The following SAMD4A variants were observed in gnomAD, a reference collection of about 807,000 sequenced individuals.
SAMD4A encodes the protein protein Smaug homolog 1.
In SAMD4A, 33 loss-of-function variants were observed where a neutral mutation model predicts 81.3. The observed-to-expected ratio is 0.41, with a 90% CI of 0.31 to 0.54. The LOEUF is 0.54. SAMD4A is among the 20% of genes least tolerant of loss of function. SAMD4A has a pLI of 0.37. For missense variants in SAMD4A, 854 were observed against 951.1 expected (o/e 0.90, Z 1.34); for synonymous variants, 389 against 382.1 (o/e 1.02, Z -0.21).
intron 2 of SAMD4A, among the ~76,000 whole-genome samples, chr14:54,597,630 C>G (rs185163023): frequency 7.3e-6 from 1 of 137,354 alleles, no homozygotes; most frequent in African/African-American, 2.7e-5. Flanking sequence ...CACCCTGTTG[C>G]CCAGGCTGGA....
At chr14:54,736,556 A>G (rs1461177435) in intron 3 of SAMD4A, among the ~76,000 whole-genome samples, 1 of 152,220 alleles carries the variant, frequency 6.6e-6, no homozygotes, top group African/African-American at 2.4e-5. Context: ...ATCCCAAACA[A>G]TGGCCAGCCC....
At chr14:54,750,429 T>C (rs1014731794) in intron 5 of SAMD4A, among the ~76,000 whole-genome samples, 5 of 152,328 alleles carry the variant, frequency 3.3e-5, no homozygotes, top group Admixed American at 2.6e-4. Flanking sequence ...GAGAGACGGC[T>C]GTCTATCAGG....
chr14:54,690,450 A>G (rs1216896183), intron 2 of SAMD4A, among the ~76,000 whole-genome samples: 1 of 151,884 alleles, frequency 6.6e-6, no homozygotes, highest in African/African-American at 2.4e-5. Context: ...TCTGCCAAAT[A>G]ATGTGTTGAG....
intron 12 of SAMD4A, 99 bp downstream of exon 12, chr14:54,784,719 T>C (rs1217781272): frequency 3.6e-6 from 4 of 1,100,704 alleles, no homozygotes; most frequent in East Asian, 2.4e-5. Context: ...CTCAGGAGAA[T>C]TGGGGGAGGA....
At chr14:54,762,654 T>G (rs2038431656) in intron 7 of SAMD4A, among the ~76,000 whole-genome samples, 1 of 152,136 alleles carries the variant, frequency 6.6e-6, no homozygotes, top group South Asian at 2.1e-4. Context: ...CCCTGCTTCT[T>G]TACATTTTAC....
chr14:54,775,196 T>TC (rs935471728), intron 10 of SAMD4A, 61 bp downstream of exon 10: 6 of 1,595,358 alleles, frequency 3.8e-6, no homozygotes, highest in Middle Eastern at 1.7e-4. Flanking sequence ...GCTGCAGATG[T>TC]CCCCCCAGGT....
At chr14:54,779,311 T>A (rs998613741) in intron 11 of SAMD4A, among the ~76,000 whole-genome samples, 1 of 152,138 alleles carries the variant, frequency 6.6e-6, no homozygotes, top group Non-Finnish European at 1.5e-5. Context: ...GAACACAAAA[T>A]GAAATTGAGA....
At chr14:54,694,516 T>G in intron 2 of SAMD4A, 4 of 537,480 alleles carry the variant, frequency 7.4e-6, no homozygotes, top group Non-Finnish European at 9.5e-6. Flanking sequence ...CATGTTGACT[T>G]TGAGATCATC....
At chr14:54,769,334 T>A (rs2038641434) in intron 8 of SAMD4A, among the ~76,000 whole-genome samples, 1 of 152,218 alleles carries the variant, frequency 6.6e-6, no homozygotes, top group Non-Finnish European at 1.5e-5. Flanking sequence ...TAATATATCA[T>A]GAATCTGAGA....
rs1269007602 is a variant in SAMD4A at position 54,760,171 on chromosome 14, A to AG, written c.1193dup (p.Ser399GlnfsTer116). The AG allele has an allele frequency of 6.2e-7, 1 of 1,612,134 alleles. No homozygotes were observed. Among genetic ancestry groups the AG allele is most frequent in the Non-Finnish European group, 8.5e-7 (1 of 1,179,574 alleles). On this transcript the variant is annotated frameshift_variant, in exon 7 of 13. Coordinates refer to ENST00000554335, the MANE Select transcript of SAMD4A (RefSeq NM_015589.6). LOFTEE classifies it high-confidence loss of function. The stretch of plus-strand genomic sequence containing the variant: ...GCTCTCACCGTCCAGGACATCATCG[A>AG]GGGGGGCAGCCTGCGCATCCCGCTC...
intron 2 of SAMD4A, chr14:54,688,266 T>G (rs1176744857): frequency 1.0e-6 from 1 of 985,276 alleles, no homozygotes; most frequent in Non-Finnish European, 1.2e-6. Context: ...GATACCAAAC[T>G]TCACCAAACG....
At chr14:54,660,071 C>T (rs779161278) in intron 2 of SAMD4A, among the ~76,000 whole-genome samples, 2 of 151,544 alleles carry the variant, frequency 1.3e-5, no homozygotes, top group African/African-American at 4.9e-5. Flanking sequence ...CAGAGCGAGA[C>T]TCCGTCTCAG....
At chr14:54,615,664 C>T (rs550272541) in intron 2 of SAMD4A, among the ~76,000 whole-genome samples, 1 of 152,254 alleles carries the variant, frequency 6.6e-6, no homozygotes, top group African/African-American at 2.4e-5. Flanking sequence ...ACAAGTCATT[C>T]TGTTGTTGTG....
intron 6 of SAMD4A, among the ~76,000 whole-genome samples, chr14:54,758,375 A>G (rs1166196250): frequency 6.6e-6 from 1 of 152,064 alleles, no homozygotes; most frequent in Non-Finnish European, 1.5e-5. Flanking sequence ...CCTTTTTCTG[A>G]TCGATTGATT....
chr14:54,719,721 A>G (rs720070), intron 3 of SAMD4A, among the ~76,000 whole-genome samples: 1 of 152,146 alleles, frequency 6.6e-6, no homozygotes, highest in Non-Finnish European at 1.5e-5. Context: ...TACCTGTGTG[A>G]CCTTGGAGAA....
chr14:54,765,829 CT>C (rs1225154283), intron 8 of SAMD4A, among the ~76,000 whole-genome samples: 4 of 151,414 alleles, frequency 2.6e-5, no homozygotes, highest in African/African-American at 9.8e-5. Context: ...CCCTCACCCA[CT>C]ACCCACACTT....
At chr14:54,748,388 C>G (rs1296219735) in intron 4 of SAMD4A, among the ~76,000 whole-genome samples, 1 of 152,214 alleles carries the variant, frequency 6.6e-6, no homozygotes, top group Non-Finnish European at 1.5e-5. Context: ...ACATTCGAAG[C>G]CAGCTCTTTC....
At chr14:54,667,813 C>T (rs779086502) in intron 2 of SAMD4A, among the ~76,000 whole-genome samples, 1 of 152,208 alleles carries the variant, frequency 6.6e-6, no homozygotes, top group Non-Finnish European at 1.5e-5. Flanking sequence ...TGCATTCATG[C>T]TTAGCCTTTG....
chr14:54,616,351 TTCA>T (rs1383199384), intron 2 of SAMD4A, among the ~76,000 whole-genome samples: 1 of 152,230 alleles, frequency 6.6e-6, no homozygotes, highest in Non-Finnish European at 1.5e-5. Context: ...TCTTAAAACT[TTCA>T]AAAACAGACA....
Sources: allele counts gnomAD v4.1 joint callset (sites outside exome capture counted in the v4.1 genomes callset), GRCh38; gene constraint gnomAD v4.1.1; transcripts MANE v1.5; gene names NCBI Gene and HGNC (gene_info 2026-07-23, HGNC 2026-07-21).